The following SLC14A2 variants were observed in gnomAD, a reference collection of about 807,000 sequenced individuals.
SLC14A2 encodes the protein urea transporter 2.
SLC14A2 carries 91 observed loss-of-function variants against 104.6 expected under a neutral mutation model. The observed-to-expected ratio is 0.87, with a 90% CI of 0.73 to 1.04. The LOEUF is 1.04. Ranked by LOEUF, SLC14A2 falls within the 50% of genes least tolerant of loss-of-function variation. The probability of loss-of-function intolerance (pLI) is 0.00; values close to 1 mark genes in which losing one functional copy is unlikely to be tolerated. For synonymous variants in SLC14A2, 476 were observed against 466.4 expected, an observed-to-expected ratio of 1.02 and a Z score of -0.27; for missense variants, 1,189 against 1,156.0, an observed-to-expected ratio of 1.03 and a Z score of -0.41.
intron 2 of SLC14A2, among the ~76,000 whole-genome samples, chr18:45,527,540 A>G (rs374118866): frequency 1.6e-4 from 25 of 152,330 alleles, no homozygotes; most frequent in African/African-American, 5.1e-4. Flanking sequence ...TTGCAAAAAG[A>G]AAGACAACAT....
chr18:45,327,286 T>G (rs1329534068), intron 1 of SLC14A2, among the ~76,000 whole-genome samples: 1 of 152,176 alleles, frequency 6.6e-6, no homozygotes, highest in Admixed American at 6.5e-5. Flanking sequence ...TGGGCTCTTT[T>G]TCTAGTAATA....
intron 1 of SLC14A2, 143 bp from the exon 2 acceptor site, chr18:45,624,488 C>T (rs947458765): frequency 1.5e-5 from 7 of 471,938 alleles, no homozygotes; most frequent in Middle Eastern, 5.4e-4. Flanking sequence ...GAGAAATGTC[C>T]TCAACTCTAC....
intron 1 of SLC14A2, among the ~76,000 whole-genome samples, chr18:45,261,532 A>G (rs1283269747): frequency 6.6e-6 from 1 of 151,514 alleles, no homozygotes; most frequent in East Asian, 2.0e-4. Flanking sequence ...AGCATTAGGT[A>G]TATCTCCTAA....
intron 1 of SLC14A2, among the ~76,000 whole-genome samples, chr18:45,325,608 T>A (rs1312178841): frequency 1.3e-5 from 2 of 152,176 alleles, no homozygotes; most frequent in Non-Finnish European, 1.5e-5. Context: ...TGCTTACATT[T>A]GTGTAGCACT....
chr18:45,351,413 G>T (rs942104306), intron 1 of SLC14A2, among the ~76,000 whole-genome samples: 24 of 152,112 alleles, frequency 1.6e-4, no homozygotes, highest in African/African-American at 5.8e-4. Context: ...GGTGTTCAGT[G>T]GTGTGATCCT....
intron 10 of SLC14A2, among the ~76,000 whole-genome samples, chr18:45,652,596 TC>T (rs1388337006): frequency 2.0e-5 from 3 of 152,162 alleles, no homozygotes; most frequent in Admixed American, 6.5e-5. Context: ...GCAGGCCTCC[TC>T]CCTCTGTAAA....
intron 1 of SLC14A2, among the ~76,000 whole-genome samples, chr18:45,619,677 G>A (rs1293128137): frequency 1.3e-5 from 2 of 152,168 alleles, no homozygotes; most frequent in Admixed American, 1.3e-4. Context: ...AGCTGAGCTG[G>A]GAACGGGCTG....
intron 2 of SLC14A2, among the ~76,000 whole-genome samples, chr18:45,508,872 T>TA (rs571076575): frequency 1.3e-5 from 2 of 152,156 alleles, no homozygotes; most frequent in Non-Finnish European, 2.9e-5. Context: ...GAGACAAAAA[T>TA]ATGTAAACAT....
chr18:45,341,776 A>T (rs1024267315), intron 1 of SLC14A2, among the ~76,000 whole-genome samples: 7 of 151,748 alleles, frequency 4.6e-5, no homozygotes, highest in Non-Finnish European at 7.4e-5. Flanking sequence ...TTTAATAAAG[A>T]CAGGTTTCAC....
chr18:45,332,100 T>C (rs2085296387), intron 1 of SLC14A2, among the ~76,000 whole-genome samples: 1 of 152,222 alleles, frequency 6.6e-6, no homozygotes, highest in Admixed American at 6.5e-5. Context: ...TTCTCTGAAG[T>C]TAAGGGAAGC....
At chr18:45,553,871 A>G (rs1170079454) in intron 2 of SLC14A2, among the ~76,000 whole-genome samples, 1 of 152,196 alleles carries the variant, frequency 6.6e-6, no homozygotes, top group Non-Finnish European at 1.5e-5. Flanking sequence ...CCCTGCCTAT[A>G]ACACGCTCAA....
chr18:45,641,350 G>C lies in SLC14A2; in HGVS notation c.1126+7G>C. The C allele has an allele frequency of 6.2e-7, 1 of 1,614,132 alleles. No homozygotes were observed. The highest frequency in any genetic ancestry group is 8.5e-7 in the Non-Finnish European group (1 of 1,179,998). On this transcript the variant is annotated splice_region_variant and intron_variant, in intron 8 of 19. Coordinates refer to ENST00000255226, the MANE Select transcript of SLC14A2 (RefSeq NM_007163.4). The stretch of plus-strand genomic sequence containing the variant: ...CTGCTGGCCCTCATCTGTGGTAGGT[G>C]TTCAGAAAAGCTGACAACCAGGTTA...
chr18:45,172,144 C>T, the SLC14A2 span, among the ~76,000 whole-genome samples: 1 of 152,138 alleles, frequency 6.6e-6, no homozygotes, highest in African/African-American at 2.4e-5. Context: ...AGTTACTTCA[C>T]TCCTCTTTGC....
intron 1 of SLC14A2, among the ~76,000 whole-genome samples, chr18:45,335,044 A>G (rs1354329069): frequency 6.6e-6 from 1 of 152,206 alleles, no homozygotes; most frequent in Non-Finnish European, 1.5e-5. Context: ...TACAATTAAT[A>G]TAAAATAAAT....
chr18:45,476,505 T>A (rs1568228636), intron 1 of SLC14A2, among the ~76,000 whole-genome samples: 1 of 152,314 alleles, frequency 6.6e-6, no homozygotes, highest in East Asian at 1.9e-4. Context: ...TTTCAGTATT[T>A]CCTGAATTTG....
intron 1 of SLC14A2, among the ~76,000 whole-genome samples, chr18:45,337,975 T>C (rs1175272897): frequency 1.3e-5 from 2 of 152,178 alleles, no homozygotes; most frequent in Non-Finnish European, 2.9e-5. Context: ...CCACTTATTC[T>C]TTCTGAAGGC....
At chr18:45,641,999 C>A (rs887432613) in intron 8 of SLC14A2, among the ~76,000 whole-genome samples, 4 of 152,204 alleles carry the variant, frequency 2.6e-5, no homozygotes, top group Non-Finnish European at 2.9e-5. Context: ...CCAGGCATAG[C>A]CTGCCTGGCC....
chr18:45,453,847 GTTTTTTTTTTTTTT>G (rs56084837), intron 1 of SLC14A2, among the ~76,000 whole-genome samples: 1 of 91,344 alleles, frequency 1.1e-5, no homozygotes, highest in Non-Finnish European at 2.1e-5. Context: ...TTTCTTTTCT[GTTTTTTTTTTTTTT>G]TTTTTTTTTT....
chr18:45,201,180 T>C, the SLC14A2 span, among the ~76,000 whole-genome samples: 1 of 152,110 alleles, frequency 6.6e-6, no homozygotes, highest in Non-Finnish European at 1.5e-5. Flanking sequence ...CTATCAAGGA[T>C]ACAAAAAGGT....
Sources: gnomAD v4.1 joint callset for allele counts (sites outside exome capture counted in the v4.1 genomes callset) on GRCh38, gnomAD v4.1.1 for gene constraint, MANE v1.5 for transcripts, NCBI Gene and HGNC (gene_info 2026-07-23, HGNC 2026-07-21) for gene names.